SPSB4: variants seen among roughly 807,000 people sequenced by gnomAD.
The protein encoded by SPSB4 is SPRY domain-containing SOCS box protein 4.
SPSB4 carries 21 observed loss-of-function variants against 20.9 expected under a neutral mutation model. The observed-to-expected ratio is 1.01, with a 90% CI of 0.71 to 1.45. The LOEUF (loss-of-function observed/expected upper bound fraction) is 1.45, where lower values mean the gene tolerates loss of function less well. Among genes scored for constraint, SPSB4 ranks in the 40% most tolerant of loss-of-function variants. SPSB4 has a pLI of 0.00. For missense variants in SPSB4, 399 were observed against 399.2 expected (o/e 1.00, Z 0.00); for synonymous variants, 207 against 183.8 (o/e 1.13, Z -1.02).
At chr3:141,074,630 A>C (rs1938069262) in intron 2 of SPSB4, among the ~76,000 whole-genome samples, 1 of 152,180 alleles carries the variant, frequency 6.6e-6, no homozygotes, top group Non-Finnish European at 1.5e-5. Flanking sequence ...TGCATGTCTT[A>C]TTCAAGTGTT....
intron 2 of SPSB4, among the ~76,000 whole-genome samples, chr3:141,132,616 T>C (rs1939154609): frequency 6.6e-6 from 1 of 151,946 alleles, no homozygotes; most frequent in Admixed American, 6.6e-5. Context: ...ATTATTTCAT[T>C]CCTTTTTTAT....
At chr3:141,126,055 A>G (rs1418750368) in intron 2 of SPSB4, among the ~76,000 whole-genome samples, 1 of 152,154 alleles carries the variant, frequency 6.6e-6, no homozygotes, top group African/African-American at 2.4e-5. Context: ...TTGCCACCCC[A>G]CCAAATGCTC....
At chr3:141,101,230 G>A (rs1297400088) in intron 2 of SPSB4, among the ~76,000 whole-genome samples, 2 of 152,210 alleles carry the variant, frequency 1.3e-5, no homozygotes, top group Non-Finnish European at 2.9e-5. Flanking sequence ...GCTCTCACCA[G>A]GTTGACACTG....
chr3:141,056,508 G>A (rs150395956), intron 1 of SPSB4, among the ~76,000 whole-genome samples: 2 of 152,304 alleles, frequency 1.3e-5, no homozygotes, highest in African/African-American at 2.4e-5. Context: ...AATCCCAGCA[G>A]GTCCCTATTA....
In SPSB4 at chr3:141,076,404, A is replaced by G. The variant is rs879259664; in HGVS notation, c.694+9606A>G. The stretch of plus-strand genomic sequence containing the variant: ...CACGAGTAAATCCACACTCTTATCC[A>G]TGAATGTTCCTGTGAGGATGACTTT... On this transcript the variant is annotated intron_variant, in intron 2 of 2. Coordinates refer to ENST00000310546, the MANE Select transcript of SPSB4 (RefSeq NM_080862.3). Among the ~76,000 whole-genome samples the G allele has an allele frequency of 2.0e-5, 3 of 152,230 alleles. No homozygotes were observed. The South Asian group carries it at 6.2e-4, about 32-fold the overall frequency.
At chr3:141,074,616 C>T (rs530241156) in intron 2 of SPSB4, among the ~76,000 whole-genome samples, 24 of 152,122 alleles carry the variant, frequency 1.6e-4, no homozygotes, top group South Asian at 6.2e-4. Flanking sequence ...GAGCGGTTTC[C>T]GGCTGCATGT....
intron 2 of SPSB4, among the ~76,000 whole-genome samples, chr3:141,139,147 A>C (rs1173679002): frequency 6.6e-6 from 1 of 152,158 alleles, no homozygotes; most frequent in Non-Finnish European, 1.5e-5. Flanking sequence ...ATCAGAGACT[A>C]GGATTGCAAC....
intron 2 of SPSB4, among the ~76,000 whole-genome samples, chr3:141,131,022 A>G (rs1337195351): frequency 4.6e-5 from 7 of 152,204 alleles, no homozygotes; most frequent in Non-Finnish European, 8.8e-5. Flanking sequence ...TAGAACCACA[A>G]TAAGTAAATT....
At chr3:141,079,790 TC>T (rs1938192130) in intron 2 of SPSB4, among the ~76,000 whole-genome samples, 1 of 152,132 alleles carries the variant, frequency 6.6e-6, no homozygotes, top group Non-Finnish European at 1.5e-5. Flanking sequence ...GCTGCAGTGG[TC>T]CCCTTTGGGG....
intron 2 of SPSB4, among the ~76,000 whole-genome samples, chr3:141,076,185 G>C (rs1292022578): frequency 6.6e-6 from 1 of 152,202 alleles, no homozygotes; most frequent in Non-Finnish European, 1.5e-5. Context: ...ACCGAGCCTG[G>C]CTCTGCCCTC....
chr3:141,147,728 G>A lies in SPSB4; in HGVS notation c.*459G>A, dbSNP rs929062324. On this transcript the variant is annotated 3_prime_UTR_variant, in exon 3 of 3. Transcript: ENST00000310546. ...TAATGAATGATGAAAGCCTGACGCC[G>A]TGCCCCTCCTGGCCCATACGCCTTG... 4 of 169,392 alleles carry A rather than the reference G, an allele frequency of 2.4e-5. No individual in the cohort carries two copies. Among genetic ancestry groups the A allele is most frequent in the Non-Finnish European group, 5.2e-5 (4 of 76,790 alleles). The allele number at this position is 169,392 out of a possible 1,614,324, so 10.5% of individuals were successfully genotyped here. A position where few individuals can be genotyped will look rare whatever the true frequency, so the allele number is the denominator to read the frequency against.
chr3:141,082,618 G>GCTATCTATCTATCTATCTATCTAT (rs57148827), intron 2 of SPSB4, among the ~76,000 whole-genome samples: 1 of 146,296 alleles, frequency 6.8e-6, no homozygotes, highest in Non-Finnish European at 1.5e-5. Flanking sequence ...CAACCCAGGT[G>GCTATCTATCTATCTATCTATCTAT]CTATCTATCT....
intron 2 of SPSB4, among the ~76,000 whole-genome samples, chr3:141,068,734 G>C (rs1278498396): frequency 1.3e-5 from 2 of 152,226 alleles, no homozygotes; most frequent in African/African-American, 4.8e-5. Flanking sequence ...GGAGCTACCA[G>C]AGCCAAGAGT....
chr3:141,122,513 G>A (rs577484732), intron 2 of SPSB4, among the ~76,000 whole-genome samples: 1 of 152,318 alleles, frequency 6.6e-6, no homozygotes, highest in East Asian at 1.9e-4. Flanking sequence ...GTTCTGATAT[G>A]CCCTGCCCAC....
intron 2 of SPSB4, among the ~76,000 whole-genome samples, chr3:141,116,210 T>C (rs1938877663): frequency 6.6e-6 from 1 of 152,164 alleles, no homozygotes; most frequent in South Asian, 2.1e-4. Flanking sequence ...GGCTTGATGG[T>C]GGTCGTTCTG....
intron 2 of SPSB4, among the ~76,000 whole-genome samples, chr3:141,138,072 T>C (rs1228739296): frequency 2.6e-5 from 4 of 152,230 alleles, no homozygotes; most frequent in Non-Finnish European, 5.9e-5. Context: ...GGAGAGTGTA[T>C]GTGTCGAGGA....
rs1373704573 is a variant in SPSB4, at chr3:141,051,822, C to G, written c.-324C>G. Reference sequence around the variant, plus strand: ...TGCAGCGCAGAGGGGGCGCTGCTGCCGGGCATCAGCCGTGAGGACGCGCCC... The same window carrying G: ...TGCAGCGCAGAGGGGGCGCTGCTGCGGGGCATCAGCCGTGAGGACGCGCCC... On this transcript the variant is annotated 5_prime_UTR_variant, in exon 1 of 3. Coordinates refer to ENST00000310546, the MANE Select transcript of SPSB4 (RefSeq NM_080862.3). 2.0e-5 allele frequency: 3 copies of G among 152,066 alleles called. No homozygotes were observed. Among genetic ancestry groups the G allele is most frequent in the Non-Finnish European group, 1.5e-5 (1 of 68,036 alleles). 9.4% of individuals were successfully genotyped at this position (152,066 alleles called of 1,614,324 possible).
At chr3:141,139,100 T>C (rs1236707452) in intron 2 of SPSB4, among the ~76,000 whole-genome samples, 2 of 152,250 alleles carry the variant, frequency 1.3e-5, no homozygotes, top group Non-Finnish European at 2.9e-5. Flanking sequence ...TGGCCTTCTT[T>C]GTCTCTTTTG....
chr3:141,099,720 C>A (rs1938589020), intron 2 of SPSB4, among the ~76,000 whole-genome samples: 1 of 152,112 alleles, frequency 6.6e-6, no homozygotes, highest in Non-Finnish European at 1.5e-5. Context: ...GTGGTGTGAG[C>A]TTGTACGTTA....
Sources: gnomAD v4.1 joint callset for allele counts (sites outside exome capture counted in the v4.1 genomes callset) on GRCh38, gnomAD v4.1.1 for gene constraint, MANE v1.5 for transcripts, NCBI Gene and HGNC (gene_info 2026-07-23, HGNC 2026-07-21) for gene names.